Variants in ZMAT4 observed in about 807,000 individuals in gnomAD.
The protein encoded by ZMAT4 is zinc finger matrin-type protein 4.
In ZMAT4, 17 loss-of-function variants were observed where a neutral mutation model predicts 28.7. The observed-to-expected ratio is 0.59, with a 90% CI of 0.41 to 0.89. ZMAT4 has a LOEUF of 0.89. Ranked by LOEUF, ZMAT4 falls within the 40% of genes least tolerant of loss-of-function variation. ZMAT4 has a pLI of 0.00. For missense variants in ZMAT4, 240 were observed against 283.8 expected (o/e 0.85, Z 1.11); for synonymous variants, 117 against 109.2 (o/e 1.07, Z -0.44).
chr8:40,739,739 G>A (rs553817256), intron 3 of ZMAT4, among the ~76,000 whole-genome samples: 165 of 152,174 alleles, frequency 1.1e-3, no homozygotes, highest in Admixed American at 3.4e-3. Flanking sequence ...TCAACCCTTC[G>A]TGTAGGTTTT....
chr8:40,879,264 A>C (rs1183658737), intron 1 of ZMAT4, among the ~76,000 whole-genome samples: 1 of 152,144 alleles, frequency 6.6e-6, no homozygotes, highest in African/African-American at 2.4e-5. Flanking sequence ...TCTACAAAAA[A>C]TTTAAAAAAT....
intron 4 of ZMAT4, among the ~76,000 whole-genome samples, chr8:40,681,541 G>A (rs779670084): frequency 1.3e-5 from 2 of 152,170 alleles, no homozygotes; most frequent in Non-Finnish European, 2.9e-5. Flanking sequence ...TCACCACACA[G>A]TCCAGCCTCC....
intron 1 of ZMAT4, among the ~76,000 whole-genome samples, chr8:40,877,547 T>A (rs1305285385): frequency 6.6e-6 from 1 of 152,172 alleles, no homozygotes; most frequent in Non-Finnish European, 1.5e-5. Context: ...GGCAAGTCAT[T>A]TTGTTCTCCA....
chr8:40,660,031 G>A (rs908691868), intron 5 of ZMAT4, among the ~76,000 whole-genome samples: 11 of 152,148 alleles, frequency 7.2e-5, no homozygotes, highest in South Asian at 2.1e-4. Flanking sequence ...GTTTGCCAGC[G>A]GGTATCTGTG....
chr8:40,670,217 A>T (rs1808608447), intron 5 of ZMAT4, among the ~76,000 whole-genome samples: 1 of 152,222 alleles, frequency 6.6e-6, no homozygotes, highest in East Asian at 1.9e-4. Context: ...GGAACAGAAT[A>T]AATTGTCCAG....
intron 2 of ZMAT4, among the ~76,000 whole-genome samples, chr8:40,799,577 T>G (rs2150585675): frequency 6.6e-6 from 1 of 152,280 alleles, no homozygotes; most frequent in South Asian, 2.1e-4. Context: ...TTTTAAAAAT[T>G]TAAAACAATT....
chr8:40,830,947 T>C (rs1457486870), intron 1 of ZMAT4, among the ~76,000 whole-genome samples: 1 of 152,136 alleles, frequency 6.6e-6, no homozygotes, highest in African/African-American at 2.4e-5. Context: ...AGATAAACCA[T>C]CTAGCACAGA....
At chr8:40,769,314 A>G (rs1011343441) in intron 2 of ZMAT4, among the ~76,000 whole-genome samples, 9 of 152,196 alleles carry the variant, frequency 5.9e-5, no homozygotes, top group African/African-American at 1.4e-4. Flanking sequence ...AGAAACAGAC[A>G]TGTAGATGTA....
chr8:40,647,222 C>A (rs1054127660), intron 5 of ZMAT4, among the ~76,000 whole-genome samples: 1 of 152,122 alleles, frequency 6.6e-6, no homozygotes, highest in African/African-American at 2.4e-5. Flanking sequence ...GTGCGCCCAC[C>A]GTGCGTGAGC....
chr8:40,822,349 A>T (rs773122675), intron 2 of ZMAT4, among the ~76,000 whole-genome samples: 7 of 152,228 alleles, frequency 4.6e-5, no homozygotes, highest in Non-Finnish European at 1.0e-4. Context: ...GATTTGCCCC[A>T]TAAGGAAGCT....
At chr8:40,594,702 G>T (rs1422124849) in intron 5 of ZMAT4, among the ~76,000 whole-genome samples, 1 of 152,164 alleles carries the variant, frequency 6.6e-6, no homozygotes, top group Non-Finnish European at 1.5e-5. Context: ...ACTCGTGAGT[G>T]GGACATTTTG....
chr8:40,717,256 G>T (rs1257595661), intron 3 of ZMAT4, among the ~76,000 whole-genome samples: 1 of 152,074 alleles, frequency 6.6e-6, no homozygotes, highest in Non-Finnish European at 1.5e-5. Flanking sequence ...ATAAGTAGTT[G>T]GTCTCTGATA....
intron 3 of ZMAT4, among the ~76,000 whole-genome samples, chr8:40,760,033 C>T (rs1301389879): frequency 6.6e-6 from 1 of 152,172 alleles, no homozygotes; most frequent in East Asian, 1.9e-4. Context: ...CTCTGCTTTC[C>T]CACGGTCCCT....
intron 1 of ZMAT4, among the ~76,000 whole-genome samples, chr8:40,856,275 C>T (rs1553930): frequency 0.064 from 9,787 of 152,116 alleles, 350 homozygotes; most frequent in Non-Finnish European, 0.07. Flanking sequence ...AGAAAGAGTG[C>T]ACTGCTAGAT....
intron 3 of ZMAT4, among the ~76,000 whole-genome samples, chr8:40,740,994 A>G (rs555271001): frequency 2.4e-3 from 40 of 16,792 alleles, no homozygotes; most frequent in Admixed American, 7.5e-3. Context: ...ATAAATGCGC[A>G]CACACACACA....
chr8:40,690,015 C>T (rs974185839), intron 4 of ZMAT4, among the ~76,000 whole-genome samples: 8 of 152,134 alleles, frequency 5.3e-5, no homozygotes, highest in Non-Finnish European at 1.2e-4. Flanking sequence ...TATCCAATCA[C>T]TGATCTCTTG....
intron 5 of ZMAT4, among the ~76,000 whole-genome samples, chr8:40,594,811 C>T (rs1412886899): frequency 2.6e-5 from 4 of 152,172 alleles, no homozygotes; most frequent in African/African-American, 9.7e-5. Flanking sequence ...GCTATTTATA[C>T]CCATCTTTTT....
intron 1 of ZMAT4, among the ~76,000 whole-genome samples, chr8:40,842,385 C>T (rs1210065784): frequency 2.6e-5 from 4 of 152,256 alleles, no homozygotes; most frequent in East Asian, 1.9e-4. Flanking sequence ...GCATTTCCTT[C>T]AAGGGTCTTG....
chr8:40,841,884 G>T (rs1375978687), intron 1 of ZMAT4, among the ~76,000 whole-genome samples: 1 of 152,194 alleles, frequency 6.6e-6, no homozygotes, highest in African/African-American at 2.4e-5. Flanking sequence ...GTCCTAAAGA[G>T]ATCACCTGCA....
Sources: allele counts gnomAD v4.1 joint callset (sites outside exome capture counted in the v4.1 genomes callset), GRCh38; gene constraint gnomAD v4.1.1; transcripts MANE v1.5; gene names NCBI Gene and HGNC (gene_info 2026-07-23, HGNC 2026-07-21).